ROBO2: variants seen among roughly 807,000 people sequenced by gnomAD.
ROBO2 encodes the protein roundabout homolog 2.
Under a neutral mutation model 160.8 loss-of-function variants are expected in ROBO2, and 53 were observed. That is an observed-to-expected ratio of 0.33 (90% CI 0.26 to 0.41). ROBO2 has a LOEUF of 0.41. Among genes scored for constraint, ROBO2 ranks in the 10% least tolerant of loss-of-function variants. The probability of loss-of-function intolerance (pLI) is 1.00; values close to 1 mark genes in which losing one functional copy is unlikely to be tolerated. For missense variants in ROBO2, 1,577 were observed against 1,722.4 expected, an observed-to-expected ratio of 0.92 and a Z score of 1.49; for synonymous variants, 664 against 611.7, an observed-to-expected ratio of 1.09 and a Z score of -1.26.
intron 2 of ROBO2, among the ~76,000 whole-genome samples, chr3:76,967,554 C>A (rs928661029): frequency 8.4e-6 from 1 of 118,856 alleles, no homozygotes; most frequent in Non-Finnish European, 1.6e-5. Context: ...CAATGTTATG[C>A]TCTGTCACCC....
intron 2 of ROBO2, among the ~76,000 whole-genome samples, chr3:76,146,950 A>G (rs922693013): frequency 1.7e-4 from 26 of 149,092 alleles, no homozygotes; most frequent in African/African-American, 6.4e-4. Flanking sequence ...GAGGGGAACA[A>G]CACACAATGG....
At chr3:76,312,782 C>T (rs910233381) in intron 2 of ROBO2, among the ~76,000 whole-genome samples, 2 of 152,100 alleles carry the variant, frequency 1.3e-5, no homozygotes, top group African/African-American at 2.4e-5. Context: ...TAATTTCCTG[C>T]GTTAAACTTA....
intron 2 of ROBO2, among the ~76,000 whole-genome samples, chr3:76,836,091 T>C (rs989230746): frequency 7.9e-5 from 12 of 152,050 alleles, no homozygotes; most frequent in South Asian, 2.1e-4. Context: ...TTGATTACTA[T>C]TTAGTTGAAT....
chr3:77,558,525 T>C (rs535511896), intron 9 of ROBO2, among the ~76,000 whole-genome samples: 1 of 152,150 alleles, frequency 6.6e-6, no homozygotes, highest in African/African-American at 2.4e-5. Flanking sequence ...GAAATGTAGA[T>C]AAAGTGGCTT....
At chr3:77,094,636 T>C (rs987614059) in intron 1 of ROBO2, among the ~76,000 whole-genome samples, 1 of 152,202 alleles carries the variant, frequency 6.6e-6, no homozygotes, top group Non-Finnish European at 1.5e-5. Flanking sequence ...ACTGTATGAT[T>C]TAAATTCACA....
At chr3:76,867,998 C>G (rs942332475) in intron 2 of ROBO2, among the ~76,000 whole-genome samples, 1 of 152,248 alleles carries the variant, frequency 6.6e-6, no homozygotes, top group East Asian at 1.9e-4. Context: ...GTTCTCTCCC[C>G]TCGAGATACA....
At chr3:76,404,638 A>G (rs144597615) in intron 2 of ROBO2, among the ~76,000 whole-genome samples, 143 of 146,166 alleles carry the variant, frequency 9.8e-4, no homozygotes, top group African/African-American at 3.3e-3. Flanking sequence ...ATTTTACTTT[A>G]TCATTGAGGG....
intron 2 of ROBO2, among the ~76,000 whole-genome samples, chr3:76,179,286 C>T (rs1701384934): frequency 6.6e-6 from 1 of 152,108 alleles, no homozygotes; most frequent in Non-Finnish European, 1.5e-5. Context: ...CAGGTTATCA[C>T]AGTCTACCTG....
At chr3:76,402,621 T>C (rs2077900614) in intron 2 of ROBO2, among the ~76,000 whole-genome samples, 1 of 151,558 alleles carries the variant, frequency 6.6e-6, no homozygotes, top group Non-Finnish European at 1.5e-5. Flanking sequence ...TTCCTACTGA[T>C]AAATTCAGTT....
chr3:77,234,119 A>T (rs2151304578), intron 2 of ROBO2, among the ~76,000 whole-genome samples: 1 of 152,272 alleles, frequency 6.6e-6, no homozygotes, highest in East Asian at 1.9e-4. Flanking sequence ...GCCTTTGGAA[A>T]TTAAATATGT....
exon 1 of ROBO2, chr3:77,040,744 A>T (rs1675295172): frequency 1.2e-6 from 2 of 1,613,530 alleles, no homozygotes; most frequent in Admixed American, 3.3e-5. Context: ...GCTCTCTGGG[A>T]TTGGTTTCTT....
rs1253980340 is a variant in ROBO2 at position 75,912,217 on chromosome 3, G to C, written c.-14+5257G>C. 3.9e-5 allele frequency among the ~76,000 whole-genome samples: 6 copies of C among 152,156 alleles called. No individual in the cohort carries two copies. In the East Asian group the frequency reaches 1.2e-3, roughly 29 times the overall value. ...TAGATCACAGGACAAAGTTTGATGA[G>C]AGAAGGGAAATATTTACACCACAAA... On this transcript the variant is annotated intron_variant, in intron 1 of 26. Transcript: ENST00000487694.
chr3:77,265,983 TG>T (rs1015539877), intron 2 of ROBO2, among the ~76,000 whole-genome samples: 2 of 152,128 alleles, frequency 1.3e-5, no homozygotes, highest in African/African-American at 4.8e-5. Context: ...CTCTTAATTT[TG>T]GGGGGTGCAT....
At chr3:77,502,250 C>T (rs1236269088) in intron 5 of ROBO2, among the ~76,000 whole-genome samples, 1 of 152,078 alleles carries the variant, frequency 6.6e-6, no homozygotes, top group African/African-American at 2.4e-5. Context: ...AAGGAAAAGA[C>T]AGCCTAGCAT....
chr3:77,067,644 G>A (rs1307260830), intron 1 of ROBO2, among the ~76,000 whole-genome samples: 1 of 152,150 alleles, frequency 6.6e-6, no homozygotes, highest in Non-Finnish European at 1.5e-5. Flanking sequence ...GCTGAATTGA[G>A]TGTTTGTTTT....
chr3:77,306,875 C>T (rs1349799411), intron 2 of ROBO2, among the ~76,000 whole-genome samples: 1 of 152,082 alleles, frequency 6.6e-6, no homozygotes, highest in Non-Finnish European at 1.5e-5. Flanking sequence ...AAATGTCATG[C>T]TAATAGTGTT....
intron 2 of ROBO2, among the ~76,000 whole-genome samples, chr3:76,167,098 G>A (rs553949227): frequency 7.2e-5 from 11 of 152,018 alleles, no homozygotes; most frequent in Middle Eastern, 3.4e-3. Context: ...GTGCCACCAC[G>A]CCCGGTTAAT....
chr3:77,187,172 C>T (rs969114382), intron 2 of ROBO2, among the ~76,000 whole-genome samples: 2 of 151,930 alleles, frequency 1.3e-5, no homozygotes, highest in Non-Finnish European at 2.9e-5. Context: ...TAAAATATTT[C>T]TTCTATGAAG....
chr3:76,537,412 A>C (rs571256355), intron 2 of ROBO2, among the ~76,000 whole-genome samples: 1 of 152,194 alleles, frequency 6.6e-6, no homozygotes, highest in Non-Finnish European at 1.5e-5. Context: ...GTTTGGGTTT[A>C]AGGTCAGATG....
Sources: gnomAD v4.1 joint callset for allele counts (sites outside exome capture counted in the v4.1 genomes callset) on GRCh38, gnomAD v4.1.1 for gene constraint, MANE v1.5 for transcripts, NCBI Gene and HGNC (gene_info 2026-07-23, HGNC 2026-07-21) for gene names.